The following TSHZ3 variants were observed in gnomAD, a reference collection of about 807,000 sequenced individuals.
TSHZ3 encodes the protein teashirt homolog 3.
TSHZ3 carries 10 observed loss-of-function variants against 64.5 expected under a neutral mutation model. That is an observed-to-expected ratio of 0.16 (90% CI 0.10 to 0.26). The LOEUF (loss-of-function observed/expected upper bound fraction) is 0.26, where lower values mean the gene tolerates loss of function less well. Ranked by LOEUF, TSHZ3 falls within the 10% of genes least tolerant of loss-of-function variation. TSHZ3 has a pLI of 1.00. For missense variants in TSHZ3, 1,242 were observed against 1,421.7 expected, an observed-to-expected ratio of 0.87 and a Z score of 2.03; for synonymous variants, 608 against 593.1, an observed-to-expected ratio of 1.03 and a Z score of -0.36.
chr19:31,310,383 A>G (rs1916423534), intron 1 of TSHZ3, among the ~76,000 whole-genome samples: 1 of 152,030 alleles, frequency 6.6e-6, no homozygotes, highest in Non-Finnish European at 1.5e-5. Context: ...TTCCACATGC[A>G]TTTCCTTTTC....
At chr19:31,243,525 G>C (rs763711564) in intron 1 of TSHZ3, among the ~76,000 whole-genome samples, 36 of 152,142 alleles carry the variant, frequency 2.4e-4, no homozygotes, top group Non-Finnish European at 4.7e-4. Flanking sequence ...GAACTTTCCC[G>C]TGTCAGAGGG....
At chr19:31,273,932 C>T (rs1976181967), downstream of TSHZ3, among the ~76,000 whole-genome samples, 1 of 152,204 alleles carries the variant, frequency 6.6e-6, no homozygotes, top group Admixed American at 6.5e-5. Flanking sequence ...GCTAACACAG[C>T]ACTCTCTATT....
At chr19:31,331,122 T>C (rs1056602765) in intron 1 of TSHZ3, among the ~76,000 whole-genome samples, 1 of 152,020 alleles carries the variant, frequency 6.6e-6, no homozygotes, top group Non-Finnish European at 1.5e-5. Flanking sequence ...AAACGGCGCA[T>C]GTAACCCTGG....
intron 1 of TSHZ3, among the ~76,000 whole-genome samples, chr19:31,250,418 G>A (rs1194894701): frequency 6.6e-6 from 1 of 152,086 alleles, no homozygotes; most frequent in Non-Finnish European, 1.5e-5. Flanking sequence ...ATTATATTCT[G>A]TCCTGCTGTC....
At chr19:31,313,025 G>A (rs1387188120) in intron 1 of TSHZ3, among the ~76,000 whole-genome samples, 3 of 66,576 alleles carry the variant, frequency 4.5e-5, no homozygotes, top group Non-Finnish European at 6.9e-5. Flanking sequence ...GAGTTAAAAC[G>A]TGTGTAAACA....
At chr19:31,323,615 C>T (rs528501148) in intron 1 of TSHZ3, among the ~76,000 whole-genome samples, 83 of 152,216 alleles carry the variant, frequency 5.5e-4, no homozygotes, top group African/African-American at 1.2e-3. Flanking sequence ...CTCAGTGATG[C>T]GGCTGGTTTA....
intron 4 of TSHZ3, among the ~76,000 whole-genome samples, chr19:31,205,936 T>C (rs1226175063): frequency 6.6e-6 from 1 of 152,180 alleles, no homozygotes; most frequent in Non-Finnish European, 1.5e-5. Flanking sequence ...GATACATGGT[T>C]GGCTGGATGG....
chr19:31,272,717 C>A (rs1976159355), downstream of TSHZ3, among the ~76,000 whole-genome samples: 2 of 152,328 alleles, frequency 1.3e-5, no homozygotes, highest in African/African-American at 4.8e-5. Context: ...TAGCCCTGAG[C>A]ACATCATAGC....
intron 5 of TSHZ3, among the ~76,000 whole-genome samples, chr19:31,168,996 C>A (rs913695004): frequency 1.3e-5 from 2 of 151,922 alleles, no homozygotes; most frequent in African/African-American, 4.8e-5. Context: ...GAAAAATTAG[C>A]CCCACAAAGA....
At position 31,254,295 on chromosome 19, in the gene TSHZ3, G is replaced by T. The variant is rs143211754; in HGVS notation, n.64-11420C>A. Among the ~76,000 whole-genome samples the T allele has an allele frequency of 1.1e-4, 17 of 152,346 alleles. No homozygotes were observed. In the East Asian group the frequency reaches 3.3e-3, roughly 29 times the overall value. ...TGCTGGGTACCCTGGGTACCAGAGT[G>T]CTGTGCCCAAGGGTGTACACGTTCT... On this transcript the variant is annotated intron_variant and non_coding_transcript_variant, in intron 1 of 6. Coordinates refer to the TSHZ3 transcript ENST00000651361.
intron 5 of TSHZ3, among the ~76,000 whole-genome samples, chr19:31,165,757 C>A (rs1974442176): frequency 6.6e-6 from 1 of 152,132 alleles, no homozygotes; most frequent in Non-Finnish European, 1.5e-5. Flanking sequence ...GGGTGTAACT[C>A]CCCGTGTAAA....
In TSHZ3 at chr19:31,277,434, C is replaced by T. The variant is rs377119189; in HGVS notation, c.2359G>A (p.Asp787Asn). 18 of 1,613,814 alleles carry T rather than the reference C, an allele frequency of 1.1e-5. No homozygotes were observed. The highest frequency in any genetic ancestry group is 2.2e-5 in the South Asian group (2 of 91,020). ...CCTTTTGTCAAGTCTATGGGCTGGT[C>T]GTTGTTGACGTGGTAGAAATAGCGG... The part of the protein sequence containing the change: ...LDRYFYHVNN[D>N]QPIDLTKGKS... The change falls in exon 2 of 2, where the codon GAC (aspartate) becomes AAC (asparagine). Residue 787 changes from aspartate to asparagine, a missense_variant. Transcript: ENST00000240587. This position sits in a 1 kb window ranked among gnomAD's most constrained non-coding sequence, Gnocchi z 4.5.
intron 1 of TSHZ3, among the ~76,000 whole-genome samples, chr19:31,318,929 C>T (rs955079194): frequency 1.3e-5 from 2 of 152,214 alleles, no homozygotes; most frequent in African/African-American, 2.4e-5. Context: ...AGCTCTGGTG[C>T]CTCCTCATGG....
intron 1 of TSHZ3, among the ~76,000 whole-genome samples, chr19:31,264,491 G>A (rs572094186): frequency 6.6e-6 from 1 of 152,048 alleles, no homozygotes; most frequent in Non-Finnish European, 1.5e-5. Flanking sequence ...CCTCAGTCCC[G>A]CCTGTGGGAG....
chr19:31,160,363 T>C (rs1005875013), intron 5 of TSHZ3, among the ~76,000 whole-genome samples: 1 of 152,326 alleles, frequency 6.6e-6, no homozygotes, highest in South Asian at 2.1e-4. Context: ...GCGGTCTATC[T>C]GCCCCTCTGC....
At chr19:31,178,176 G>A (rs976977641) in intron 5 of TSHZ3, among the ~76,000 whole-genome samples, 6 of 152,290 alleles carry the variant, frequency 3.9e-5, no homozygotes, top group Non-Finnish European at 8.8e-5. Flanking sequence ...CGTTCTTTTT[G>A]TTTAATTGAA....
intron 5 of TSHZ3, among the ~76,000 whole-genome samples, chr19:31,165,192 A>T (rs1265875269): frequency 6.6e-6 from 1 of 152,172 alleles, no homozygotes; most frequent in African/African-American, 2.4e-5. Flanking sequence ...GCGTCTGCCA[A>T]TCTATCAAGA....
At chr19:31,262,558 AT>A (rs1180494203) in intron 1 of TSHZ3, among the ~76,000 whole-genome samples, 1 of 152,142 alleles carries the variant, frequency 6.6e-6, no homozygotes, top group Non-Finnish European at 1.5e-5. Flanking sequence ...TTGCATTTGC[AT>A]TTTGAAGTTC....
chr19:31,248,546 T>G (rs189943720), intron 1 of TSHZ3, among the ~76,000 whole-genome samples: 113 of 151,926 alleles, frequency 7.4e-4, no homozygotes, highest in Non-Finnish European at 1.4e-3. Flanking sequence ...CAGTGGTCCC[T>G]GCCTGTCATC....
Sources: allele counts gnomAD v4.1 joint callset (sites outside exome capture counted in the v4.1 genomes callset), GRCh38; gene constraint gnomAD v4.1.1; non-coding constraint Gnocchi (gnomAD v3.1); transcripts MANE v1.5; gene names NCBI Gene and HGNC (gene_info 2026-07-23, HGNC 2026-07-21).